MAP6: variants seen among roughly 807,000 people sequenced by gnomAD.
MAP6 encodes the protein microtubule-associated protein 6.
In MAP6, 26 loss-of-function variants were observed where a neutral mutation model predicts 42.4. That is an observed-to-expected ratio of 0.61 (90% confidence interval 0.45 to 0.85). The LOEUF (loss-of-function observed/expected upper bound fraction) is 0.85. Ranked by LOEUF, MAP6 falls within the 40% of genes least tolerant of loss-of-function variation. MAP6 has a pLI of 0.00. For missense variants in MAP6, 966 were observed against 1,099.0 expected, an observed-to-expected ratio of 0.88 and a Z score of 1.71; for synonymous variants, 418 against 443.8, an observed-to-expected ratio of 0.94 and a Z score of 0.73.
chr11:75,621,849 C>T (rs191246652), intron 1 of MAP6, among the ~76,000 whole-genome samples: 60 of 152,180 alleles, frequency 3.9e-4, no homozygotes, highest in African/African-American at 1.4e-3. Flanking sequence ...ACGGGGAAAC[C>T]TCGTCTCTAC....
At chr11:75,617,056 T>G (rs971956100) in intron 1 of MAP6, among the ~76,000 whole-genome samples, 3 of 152,220 alleles carry the variant, frequency 2.0e-5, no homozygotes, top group African/African-American at 4.8e-5. Context: ...TTTGGGCCCC[T>G]GTACTAGGTA....
intron 1 of MAP6, among the ~76,000 whole-genome samples, chr11:75,661,046 T>TGC (rs1943835469): frequency 6.6e-6 from 1 of 151,906 alleles, no homozygotes; most frequent in Non-Finnish European, 1.5e-5. Flanking sequence ...GTAGAGATTA[T>TGC]TTTTAAATCC....
intron 1 of MAP6, among the ~76,000 whole-genome samples, chr11:75,666,048 T>C (rs544036838): frequency 6.6e-6 from 1 of 152,264 alleles, no homozygotes; most frequent in Non-Finnish European, 1.5e-5. Context: ...CTAACCTATA[T>C]ACAGAGTCTT....
intron 1 of MAP6, among the ~76,000 whole-genome samples, chr11:75,632,095 A>C (rs1943293514): frequency 1.3e-5 from 2 of 152,202 alleles, no homozygotes; most frequent in Admixed American, 1.3e-4. Context: ...TCAAATGATT[A>C]GCTCTGTGAC....
intron 1 of MAP6, among the ~76,000 whole-genome samples, chr11:75,612,916 T>C (rs1399890255): frequency 2.6e-5 from 4 of 152,216 alleles, no homozygotes; most frequent in East Asian, 1.9e-4. Flanking sequence ...GGCAGTTTCA[T>C]GCCATTCTTC....
intron 3 of MAP6, among the ~76,000 whole-genome samples, chr11:75,600,637 G>A (rs533082163): frequency 6.6e-6 from 1 of 152,284 alleles, no homozygotes; most frequent in South Asian, 2.1e-4. Context: ...TAGGGGTGAA[G>A]CCTTGCTTTA....
intron 3 of MAP6, among the ~76,000 whole-genome samples, chr11:75,590,230 A>C (rs533734208): frequency 6.6e-6 from 1 of 152,318 alleles, no homozygotes; most frequent in South Asian, 2.1e-4. Flanking sequence ...CCAAGCAGGA[A>C]ATTGATTAGG....
chr11:75,667,677 G>C lies in MAP6; in HGVS notation c.693C>G (p.Ser231=). Residue 231 remains serine (S), a synonymous_variant, in exon 1 of 4, where the codon TCC becomes TCG. Coordinates refer to ENST00000304771, the MANE Select transcript of MAP6 (RefSeq NM_033063.2). The surrounding 1 kb of genome is among the most constrained non-coding windows in gnomAD (Gnocchi z 5.6). ...TGCGCGTGTCGCGCTCGTCCGCCCC[G>C]GACGCCTTTCCGGCCGCCAGGCCAC... The part of the protein sequence containing the change: ...GAGGLAAGKA[S]GADERDTRRK... 7.9e-7 allele frequency: 1 copy of C among 1,271,652 alleles called. No homozygotes were observed. Among genetic ancestry groups the C allele is most frequent in the Admixed American group, 4.2e-5 (1 of 24,062 alleles). The allele number at this position is 1,271,652 out of a possible 1,614,324, so 78.8% of individuals were successfully genotyped here.
At chr11:75,593,071 A>G (rs1046945205) in intron 3 of MAP6, among the ~76,000 whole-genome samples, 5 of 152,180 alleles carry the variant, frequency 3.3e-5, no homozygotes, top group African/African-American at 1.2e-4. Context: ...CCCCTGCTAC[A>G]GGCTCTCCTA....
chr11:75,657,836 T>C (rs1943776798), intron 1 of MAP6, among the ~76,000 whole-genome samples: 1 of 152,238 alleles, frequency 6.6e-6, no homozygotes, highest in African/African-American at 2.4e-5. Flanking sequence ...TCTGTCTTTC[T>C]CTTTCACTTA....
chr11:75,644,577 C>T (rs1943525303), intron 1 of MAP6, among the ~76,000 whole-genome samples: 1 of 152,094 alleles, frequency 6.6e-6, no homozygotes, highest in Non-Finnish European at 1.5e-5. Context: ...GGATTCAATC[C>T]AGATGTGCCT....
At chr11:75,656,349 T>C (rs1438802974) in intron 1 of MAP6, among the ~76,000 whole-genome samples, 1 of 152,174 alleles carries the variant, frequency 6.6e-6, no homozygotes, top group Non-Finnish European at 1.5e-5. Context: ...CAAAAGCCTC[T>C]TCATTCAGTT....
intron 3 of MAP6, among the ~76,000 whole-genome samples, chr11:75,598,407 C>T (rs180926164): frequency 5.3e-5 from 8 of 152,226 alleles, no homozygotes; most frequent in African/African-American, 1.9e-4. Flanking sequence ...GTGAGATTGG[C>T]CAACCTCTTA....
At chr11:75,597,020 C>T (rs1942590010) in intron 3 of MAP6, among the ~76,000 whole-genome samples, 1 of 152,226 alleles carries the variant, frequency 6.6e-6, no homozygotes, top group African/African-American at 2.4e-5. Flanking sequence ...TGGCTCACCA[C>T]TTACAAGTTG....
At chr11:75,620,778 A>C (rs1411377568) in intron 1 of MAP6, among the ~76,000 whole-genome samples, 1 of 152,254 alleles carries the variant, frequency 6.6e-6, no homozygotes, top group Non-Finnish European at 1.5e-5. Context: ...AGGATAATAC[A>C]TCATACAGTA....
chr11:75,659,577 A>C (rs1490378067), intron 1 of MAP6, among the ~76,000 whole-genome samples: 1 of 152,230 alleles, frequency 6.6e-6, no homozygotes, highest in Non-Finnish European at 1.5e-5. Flanking sequence ...TCTGCCAGGC[A>C]CATGCTAGGC....
At chr11:75,614,709 T>C (rs952304629) in intron 1 of MAP6, among the ~76,000 whole-genome samples, 4 of 152,246 alleles carry the variant, frequency 2.6e-5, no homozygotes, top group African/African-American at 9.6e-5. Flanking sequence ...TCAGAAACTT[T>C]ATGAGATCAA....
At chr11:75,629,655 C>G (rs1943253784) in intron 1 of MAP6, among the ~76,000 whole-genome samples, 1 of 152,162 alleles carries the variant, frequency 6.6e-6, no homozygotes, top group Admixed American at 6.5e-5. Context: ...GCTGCTATCA[C>G]TTGCTTGTTT....
chr11:75,589,268 A>C (rs533851711), intron 3 of MAP6, among the ~76,000 whole-genome samples: 2 of 152,182 alleles, frequency 1.3e-5, no homozygotes, highest in South Asian at 4.2e-4. Flanking sequence ...CCCCTGGCCC[A>C]CCCACACTGT....
Sources: allele counts gnomAD v4.1 joint callset (sites outside exome capture counted in the v4.1 genomes callset), GRCh38; gene constraint gnomAD v4.1.1; non-coding constraint Gnocchi (gnomAD v3.1); transcripts MANE v1.5; gene names NCBI Gene and HGNC (gene_info 2026-07-23, HGNC 2026-07-21).